KIAA0753: variants seen among roughly 807,000 people sequenced by gnomAD.
KIAA0753 encodes protein moonraker.
A neutral mutation model predicts 116.9 loss-of-function variants in KIAA0753; 114 were observed. The observed-to-expected ratio is 0.98, with a 90% CI of 0.84 to 1.14. The LOEUF (loss-of-function observed/expected upper bound fraction) is 1.14, where lower values mean the gene tolerates loss of function less well. Ranked by LOEUF, KIAA0753 falls within the 50% of genes most tolerant of loss-of-function variation. KIAA0753 has a pLI of 0.00. For synonymous variants in KIAA0753, 405 were observed against 413.1 expected, an observed-to-expected ratio of 0.98 and a Z score of 0.24; for missense variants, 1,156 against 1,172.4, an observed-to-expected ratio of 0.99 and a Z score of 0.20.
intron 15 of KIAA0753, among the ~76,000 whole-genome samples, chr17:6,595,610 C>T (rs754137259): frequency 2.4e-4 from 37 of 152,360 alleles, no homozygotes; most frequent in Middle Eastern, 3.4e-3. Flanking sequence ...CCTGGATTCT[C>T]GTTCTGGCTC....
In KIAA0753 at chr17:6,579,348, G is replaced by C. The variant is rs3826512; in HGVS notation, c.*399C>G. On this transcript the variant is annotated 3_prime_UTR_variant, in exon 19 of 19. Coordinates refer to ENST00000361413, the MANE Select transcript of KIAA0753 (RefSeq NM_014804.3). ...CCAGCTAGTAGCCGCACTTGTGTTG[G>C]TATCAATGCCAGCAAGGGTTCAACA... 0.22 allele frequency: 36,759 copies of C among 166,444 alleles called. 4,722 individuals carry two copies. Among genetic ancestry groups the C allele is most frequent in the East Asian group, 0.41 (2,532 of 6,124 alleles). 10.3% of individuals were successfully genotyped at this position (166,444 alleles called of 1,614,324 possible). A position where few individuals can be genotyped will look rare whatever the true frequency, so the allele number is the denominator to read the frequency against.
chr17:6,628,009 G>T, intron 3 of KIAA0753, 108 bp downstream of exon 3: 1 of 1,103,724 alleles, frequency 9.1e-7, no homozygotes, highest in Non-Finnish European at 1.3e-6. Context: ...CCAACTCACA[G>T]AAGGAAAGAA....
At chr17:6,591,790 G>A (rs1265209540) in intron 16 of KIAA0753, among the ~76,000 whole-genome samples, 3 of 152,212 alleles carry the variant, frequency 2.0e-5, no homozygotes, top group Admixed American at 2.0e-4. Flanking sequence ...ACCTCTCCTC[G>A]GCTTCCACAC....
chr17:6,634,327 CT>C (rs1335323151), intron 2 of KIAA0753, among the ~76,000 whole-genome samples: 1 of 152,170 alleles, frequency 6.6e-6, no homozygotes, highest in African/African-American at 2.4e-5. Flanking sequence ...TGGTCTCGAA[CT>C]CCTGACCTCT....
intron 7 of KIAA0753, among the ~76,000 whole-genome samples, chr17:6,615,681 T>C (rs558293572): frequency 6.7e-6 from 1 of 148,930 alleles, no homozygotes; most frequent in Non-Finnish European, 1.5e-5. Flanking sequence ...ACTCCCAAGC[T>C]TATATACATC....
At chr17:6,634,873 A>G in intron 2 of KIAA0753, 138 bp downstream of exon 2, 1 of 624,020 alleles carries the variant, frequency 1.6e-6, no homozygotes, top group Non-Finnish European at 2.8e-6. Context: ...CAGATGGTTG[A>G]GTAGGTAGAA....
At chr17:6,605,851 T>G (rs1212465822) in intron 12 of KIAA0753, among the ~76,000 whole-genome samples, 28 of 152,170 alleles carry the variant, frequency 1.8e-4, no homozygotes, top group Non-Finnish European at 1.5e-5. Flanking sequence ...ATTCAGTATG[T>G]TCTTCTATAT....
rs1972211904 is a variant in KIAA0753, at chr17:6,634,814, C to G, written c.93+197G>C. On this transcript the variant is annotated intron_variant, in intron 2 of 18. Transcript: ENST00000361413. ...AGTATTCTCAAATATTTAGAAGTATCAGGTTGACTGCAATTTGCTTTGGGG... is the reference window on the plus strand; with the variant it reads ...AGTATTCTCAAATATTTAGAAGTATGAGGTTGACTGCAATTTGCTTTGGGG... 4 of 529,758 alleles carry G rather than the reference C, an allele frequency of 7.6e-6. No individual in the cohort carries two copies. In the East Asian group the frequency reaches 1.2e-4, roughly 17 times the overall value. The allele number at this position is 529,758 out of a possible 1,614,324, so 32.8% of individuals were successfully genotyped here.
Position 6,628,611 on chromosome 17 carries a change from G to A in KIAA0753, c.224C>T (p.Ala75Val), listed in dbSNP as rs1971829404. 6.2e-7 allele frequency: 1 copy of A among 1,614,152 alleles called. No individual in the cohort carries two copies. The highest frequency in any genetic ancestry group is 1.1e-5 in the South Asian group (1 of 91,084). The change falls in exon 3 of 19, where the codon GCA becomes GTA. Residue 75 changes from alanine to valine, a missense_variant. By Grantham distance (64) the Ala-to-Val change is moderately conservative (BLOSUM62 0). Coordinates refer to ENST00000361413, the MANE Select transcript of KIAA0753 (RefSeq NM_014804.3). ...CAGGTCAGGACCAACTCTACAATCT[G>A]CATCTTTACAATGGTATGATTCATT... is the stretch of plus-strand genomic sequence containing the variant. ...SYNESYHCKDADCRVGPDLGS... is the reference protein window; with the variant it reads ...SYNESYHCKDVDCRVGPDLGS...
chr17:6,599,356 A>G, intron 13 of KIAA0753, 36 bp from the exon 14 acceptor site: 1 of 1,369,704 alleles, frequency 7.3e-7, no homozygotes, highest in Non-Finnish European at 1.0e-6. Context: ...TGGAGTATAA[A>G]GACTTATAGC....
chr17:6,609,902 T>C, intron 9 of KIAA0753, 92 bp downstream of exon 9: 2 of 1,396,984 alleles, frequency 1.4e-6, no homozygotes, highest in Non-Finnish European at 2.0e-6. Context: ...AGGCTACTAC[T>C]TAATTTGCTC....
chr17:6,582,608 T>C (rs904121068), intron 18 of KIAA0753, among the ~76,000 whole-genome samples: 1 of 152,246 alleles, frequency 6.6e-6, no homozygotes, highest in South Asian at 2.1e-4. Context: ...TTAATGTTAT[T>C]CTGATTTGAG....
intron 8 of KIAA0753, among the ~76,000 whole-genome samples, chr17:6,610,516 C>CTTTTTTTTTTTTT (rs71157206): frequency 6.2e-5 from 7 of 113,430 alleles, no homozygotes; most frequent in Non-Finnish European, 8.5e-5. Flanking sequence ...TTTTCTTTCT[C>CTTTTTTTTTTTTT]TTTTTTTTTT....
chr17:6,623,166 A>C, intron 5 of KIAA0753, 69 bp from the exon 6 acceptor site: 1 of 1,375,124 alleles, frequency 7.3e-7, no homozygotes, highest in Non-Finnish European at 1.0e-6. Context: ...CCAACTTCTA[A>C]GAATATTTAT....
rs112339569 is a variant in KIAA0753 at position 6,597,126 on chromosome 17, G to A, written c.2173-783C>T. On this transcript the variant is annotated intron_variant, in intron 14 of 18. Transcript: ENST00000361413. ...AATAATCTTGTATTTCAGAGCTGTA[G>A]GGATTTCATAAGAGCTTGCACGCTG... Among the ~76,000 whole-genome samples, 188 of 152,310 alleles carry A rather than the reference G, an allele frequency of 1.2e-3. 1 individual carries two copies. The highest frequency in any genetic ancestry group is 4.2e-3 in the African/African-American group (175 of 41,544).
intron 5 of KIAA0753, 78 bp downstream of exon 5, chr17:6,623,431 G>A: frequency 8.9e-7 from 1 of 1,123,380 alleles, no homozygotes; most frequent in Middle Eastern, 2.0e-4. Flanking sequence ...TAGTGCAGAG[G>A]GCCCTACACA....
At chr17:6,622,030 G>A (rs985924947) in intron 6 of KIAA0753, among the ~76,000 whole-genome samples, 2 of 151,934 alleles carry the variant, frequency 1.3e-5, no homozygotes, top group African/African-American at 4.8e-5. Context: ...GGTAGAACTG[G>A]AGTGTCATTT....
intron 18 of KIAA0753, among the ~76,000 whole-genome samples, chr17:6,584,700 A>G (rs1968437082): frequency 1.3e-5 from 2 of 152,194 alleles, no homozygotes; most frequent in Non-Finnish European, 2.9e-5. Context: ...GGTTTTTGCC[A>G]TTCTTCTGGA....
chr17:6,591,929 T>C (rs1969099121), intron 16 of KIAA0753, among the ~76,000 whole-genome samples: 1 of 152,208 alleles, frequency 6.6e-6, no homozygotes, highest in Non-Finnish European at 1.5e-5. Context: ...AATCTGTGGC[T>C]TAGTTGAGAG....
Sources: gnomAD v4.1 joint callset for allele counts (sites outside exome capture counted in the v4.1 genomes callset) on GRCh38, gnomAD v4.1.1 for gene constraint, MANE v1.5 for transcripts, NCBI Gene and HGNC (gene_info 2026-07-23, HGNC 2026-07-21) for gene names.